SLC24A4: variants seen among roughly 807,000 people sequenced by gnomAD.
SLC24A4 encodes the protein solute carrier family 24 member 4.
A neutral mutation model predicts 79.0 loss-of-function variants in SLC24A4; 53 were observed. The ratio of observed to expected loss-of-function variants is 0.67; its 90% CI spans 0.54 to 0.84. SLC24A4 has a LOEUF of 0.84. SLC24A4 is among the 40% of genes least tolerant of loss of function. The pLI is 0.00. For missense variants in SLC24A4, 731 were observed against 822.0 expected, an observed-to-expected ratio of 0.89 and a Z score of 1.35; for synonymous variants, 323 against 323.8, an observed-to-expected ratio of 1.00 and a Z score of 0.03.
intron 7 of SLC24A4, among the ~76,000 whole-genome samples, chr14:92,444,414 TTGA>T (rs1484331341): frequency 2.0e-5 from 3 of 152,144 alleles, no homozygotes; most frequent in African/African-American, 7.2e-5. Flanking sequence ...GGTGCCGATG[TTGA>T]TGATGTGATT....
At chr14:92,432,309 A>G (rs1262791693) in intron 2 of SLC24A4, among the ~76,000 whole-genome samples, 1 of 152,256 alleles carries the variant, frequency 6.6e-6, no homozygotes, top group African/African-American at 2.4e-5. Context: ...CCCCAGCAGC[A>G]GAAAGATGAC....
intron 2 of SLC24A4, among the ~76,000 whole-genome samples, chr14:92,365,540 T>C (rs2141675352): frequency 6.6e-6 from 1 of 152,344 alleles, no homozygotes; most frequent in South Asian, 2.1e-4. Context: ...CCCCGGGTGC[T>C]GGTCTGTGCC....
chr14:92,431,533 T>C (rs1891870190), intron 2 of SLC24A4, among the ~76,000 whole-genome samples: 2 of 152,190 alleles, frequency 1.3e-5, no homozygotes, highest in South Asian at 4.1e-4. Context: ...TCTAGAGGAT[T>C]TTAATCCTGA....
intron 15 of SLC24A4, 68 bp downstream of exon 15, chr14:92,491,845 C>A: frequency 7.7e-7 from 1 of 1,293,540 alleles, no homozygotes; most frequent in Non-Finnish European, 1.1e-6. Flanking sequence ...CCAGTTCCAG[C>A]CAGAGGCTCT....
At chr14:92,338,569 A>T (rs1341816486) in intron 2 of SLC24A4, among the ~76,000 whole-genome samples, 2 of 152,140 alleles carry the variant, frequency 1.3e-5, no homozygotes, top group African/African-American at 4.8e-5. Flanking sequence ...AACTTGTATG[A>T]CCCCGCTGTT....
intron 2 of SLC24A4, among the ~76,000 whole-genome samples, chr14:92,358,948 A>G (rs1273728588): frequency 6.6e-6 from 1 of 151,914 alleles, no homozygotes; most frequent in Non-Finnish European, 1.5e-5. Flanking sequence ...GGCCTCCCAA[A>G]GTACTGGGAT....
chr14:92,404,155 C>T (rs577130027), intron 2 of SLC24A4, among the ~76,000 whole-genome samples: 3 of 152,262 alleles, frequency 2.0e-5, no homozygotes, highest in East Asian at 3.9e-4. Context: ...GCTCTGACTC[C>T]GCATCTACCC....
At chr14:92,413,362 C>G (rs1435502709) in intron 2 of SLC24A4, among the ~76,000 whole-genome samples, 1 of 152,086 alleles carries the variant, frequency 6.6e-6, no homozygotes, top group Non-Finnish European at 1.5e-5. Context: ...CCAGTTCATT[C>G]CTTTGCCTAG....
chr14:92,459,869 C>T (rs934005104), intron 12 of SLC24A4, among the ~76,000 whole-genome samples: 1 of 152,146 alleles, frequency 6.6e-6, no homozygotes, highest in Non-Finnish European at 1.5e-5. Flanking sequence ...CAGCTCCTGG[C>T]CCTGCCACCA....
At chr14:92,464,073 A>G (rs966771521) in intron 12 of SLC24A4, among the ~76,000 whole-genome samples, 2 of 152,204 alleles carry the variant, frequency 1.3e-5, no homozygotes, top group Non-Finnish European at 2.9e-5. Context: ...AGTGGTTTCT[A>G]CTTTTAGGCT....
rs568305604 is a variant in SLC24A4, at chr14:92,501,422, T to A, written c.*7794T>A. ...TAAACCTTTCTAAGAAATCTAGCAG[T>A]CAGTATTGTAATGCAATATATCAAA... is the stretch of plus-strand genomic sequence containing the variant. On this transcript the variant is annotated 3_prime_UTR_variant, in exon 17 of 17. Transcript: ENST00000532405. 6.6e-6 allele frequency: 1 copy of A among 152,314 alleles called. No individual in the cohort carries two copies. Among genetic ancestry groups the A allele is most frequent in the African/African-American group, 2.4e-5 (1 of 41,552 alleles). The allele number at this position is 152,314 out of a possible 1,614,324, so 9.4% of individuals were successfully genotyped here.
At chr14:92,483,345 G>T (rs938357570) in intron 13 of SLC24A4, among the ~76,000 whole-genome samples, 1 of 152,168 alleles carries the variant, frequency 6.6e-6, no homozygotes. Flanking sequence ...CAGCCCCATG[G>T]GATGGGTGCT....
intron 12 of SLC24A4, among the ~76,000 whole-genome samples, chr14:92,465,582 C>G (rs890973336): frequency 6.6e-6 from 1 of 152,140 alleles, no homozygotes; most frequent in Admixed American, 6.5e-5. Flanking sequence ...GCTCTGGGCC[C>G]GGCTTCTCCC....
chr14:92,410,618 C>T (rs557215880), intron 2 of SLC24A4, among the ~76,000 whole-genome samples: 1 of 152,278 alleles, frequency 6.6e-6, no homozygotes, highest in African/African-American at 2.4e-5. Flanking sequence ...AGGCCCTCTC[C>T]CACACCCTTT....
rs1476139711 is a variant in SLC24A4, at chr14:92,490,675, G to A, written c.1538-990G>A. ...CTCAGTTTCATCTTCTGTCACGCGA[G>A]GTTATGCCCCACTCCGGCCTCCAGC... On this transcript the variant is annotated intron_variant, in intron 14 of 16. Transcript: ENST00000532405. This position sits in a 1 kb window ranked among gnomAD's most constrained non-coding sequence, Gnocchi z 4.3. 6.6e-6 allele frequency among the ~76,000 whole-genome samples: 1 copy of A among 152,170 alleles called. No individual in the cohort carries two copies. The highest frequency in any genetic ancestry group is 1.5e-5 in the Non-Finnish European group (1 of 68,036).
chr14:92,447,262 C>G (rs144885768), intron 8 of SLC24A4, 109 bp from the exon 9 acceptor site: 3 of 924,300 alleles, frequency 3.2e-6, no homozygotes, highest in Non-Finnish European at 3.5e-6. Context: ...GCACTAGGGG[C>G]GGGGGAGGTA....
At chr14:92,448,395 AG>A (rs1188563321) in intron 9 of SLC24A4, among the ~76,000 whole-genome samples, 1 of 89,418 alleles carries the variant, frequency 1.1e-5, no homozygotes, top group Non-Finnish European at 2.4e-5. Context: ...CCTACTCATG[AG>A]CTGAGCCATG....
rs146981064 is a variant in SLC24A4 at position 92,394,790 on chromosome 14, C to G, written c.242-39122C>G. ...TGAAATGACTTTTAAAACTACACATCCTATGGGATATCAGCAGTATCATTT... is the reference window on the plus strand; with the variant it reads ...TGAAATGACTTTTAAAACTACACATGCTATGGGATATCAGCAGTATCATTT... On this transcript the variant is annotated intron_variant, in intron 2 of 16. Transcript: ENST00000532405. Among the ~76,000 whole-genome samples, 12 of 152,288 alleles carry G rather than the reference C, an allele frequency of 7.9e-5. No individual in the cohort carries two copies. The East Asian group carries it at 2.1e-3, about 27-fold the overall frequency.
intron 2 of SLC24A4, among the ~76,000 whole-genome samples, chr14:92,406,744 G>A (rs1890402519): frequency 6.6e-6 from 1 of 152,182 alleles, no homozygotes; most frequent in Non-Finnish European, 1.5e-5. Flanking sequence ...AGCAGTGGGA[G>A]CTCTGGGCCC....
Sources: gnomAD v4.1 joint callset for allele counts (sites outside exome capture counted in the v4.1 genomes callset) on GRCh38, gnomAD v4.1.1 for gene constraint, Gnocchi (gnomAD v3.1) non-coding constraint, MANE v1.5 for transcripts, NCBI Gene and HGNC (gene_info 2026-07-23, HGNC 2026-07-21) for gene names.